ARHGAP6: variants seen among roughly 807,000 people sequenced by gnomAD.
ARHGAP6 encodes the protein Rho GTPase activating protein 6.
In ARHGAP6, 16 loss-of-function variants were observed where a neutral mutation model predicts 55.7. That is an observed-to-expected ratio of 0.29 (90% CI 0.19 to 0.44). The LOEUF is 0.44. ARHGAP6 is among the 20% of genes least tolerant of loss of function. The pLI is 1.00. For synonymous variants in ARHGAP6, 382 were observed against 360.9 expected, an observed-to-expected ratio of 1.06 and a Z score of -0.66; for missense variants, 698 against 808.9, an observed-to-expected ratio of 0.86 and a Z score of 1.66.
intron 2 of ARHGAP6, among the ~76,000 whole-genome samples, chrX:11,211,692 C>T (rs917495770): frequency 1.4e-4 from 15 of 110,333 alleles, no homozygotes; most frequent in South Asian, 3.9e-4. Context: ...TACAGGCACC[C>T]GCCACCACAC....
At chrX:11,186,133 G>C (rs962822642) in intron 5 of ARHGAP6, 103 bp downstream of exon 5, 3 of 803,222 alleles carry the variant, frequency 3.7e-6, no homozygotes, top group Non-Finnish European at 5.4e-6. Flanking sequence ...TTTCAGTTCA[G>C]AGCTTGATCA....
intron 1 of ARHGAP6, among the ~76,000 whole-genome samples, chrX:11,643,694 T>C (rs891396292): frequency 5.4e-5 from 6 of 111,560 alleles, no homozygotes; most frequent in African/African-American, 2.0e-4. Context: ...ATAGAGTCTA[T>C]GGCCCAATCC....
chrX:11,277,699 C>T (rs867210994), intron 1 of ARHGAP6, among the ~76,000 whole-genome samples: 1 of 99,123 alleles, frequency 1.0e-5, no homozygotes, highest in Non-Finnish European at 2.1e-5. Context: ...TTCTAGTATT[C>T]TTTTTTTTTT....
intron 1 of ARHGAP6, among the ~76,000 whole-genome samples, chrX:11,535,779 C>T (rs1481767261): frequency 2.7e-5 from 3 of 111,538 alleles, no homozygotes; most frequent in Non-Finnish European, 5.6e-5. Context: ...TGATTAACAT[C>T]CTAGAGAAGA....
At chrX:11,590,153 C>T (rs1161759400) in intron 1 of ARHGAP6, among the ~76,000 whole-genome samples, 4 of 111,470 alleles carry the variant, frequency 3.6e-5, no homozygotes, top group Non-Finnish European at 1.9e-5. Flanking sequence ...AAATACACAG[C>T]AATGGCGTGT....
chrX:11,242,550 G>A (rs2047297815), intron 2 of ARHGAP6, among the ~76,000 whole-genome samples: 1 of 111,398 alleles, frequency 9.0e-6, no homozygotes, highest in African/African-American at 3.3e-5. Flanking sequence ...TCCTGAATTT[G>A]TATCTTTCAT....
intron 1 of ARHGAP6, among the ~76,000 whole-genome samples, chrX:11,638,967 A>G (rs1255771713): frequency 9.0e-6 from 1 of 111,261 alleles, no homozygotes; most frequent in African/African-American, 3.3e-5. Context: ...TTTATAATTT[A>G]GCTAATCTGA....
intron 1 of ARHGAP6, among the ~76,000 whole-genome samples, chrX:11,473,103 C>T (rs1404584220): frequency 2.7e-5 from 3 of 111,230 alleles, no homozygotes; most frequent in East Asian, 5.7e-4. Context: ...TGAAGTCTCT[C>T]GGGAGCTAAA....
At chrX:11,498,926 T>A (rs1569367762) in intron 1 of ARHGAP6, among the ~76,000 whole-genome samples, 2 of 111,778 alleles carry the variant, frequency 1.8e-5, no homozygotes, top group African/African-American at 6.5e-5. Flanking sequence ...ATTTGACATA[T>A]AATTGTACAT....
intron 1 of ARHGAP6, among the ~76,000 whole-genome samples, chrX:11,328,657 C>T (rs1212088177): frequency 8.9e-6 from 1 of 112,329 alleles, no homozygotes; most frequent in Non-Finnish European, 1.9e-5. Context: ...CAAGTGTCTG[C>T]CCTTGCAGAA....
At chrX:11,341,590 C>T (rs5935013) in intron 1 of ARHGAP6, among the ~76,000 whole-genome samples, 6,537 of 111,623 alleles carry the variant, frequency 0.059, 214 homozygotes, top group African/African-American at 0.12. Context: ...CATGTACGCC[C>T]ACGCCTGACC....
intron 1 of ARHGAP6, among the ~76,000 whole-genome samples, chrX:11,660,554 A>AC (rs2052689297): frequency 1.2e-5 from 1 of 85,079 alleles, no homozygotes; most frequent in Non-Finnish European, 2.3e-5. Flanking sequence ...AAAAAAAAAA[A>AC]AAAAAAAAAA....
chrX:11,375,260 T>C (rs1028525471), intron 1 of ARHGAP6, among the ~76,000 whole-genome samples: 19 of 112,243 alleles, frequency 1.7e-4, no homozygotes, highest in Non-Finnish European at 3.6e-4. Flanking sequence ...CATTTCATTA[T>C]CAGCAACATC....
Position 11,232,466 on chromosome X carries a change from C to T in ARHGAP6, c.748+22082G>A, listed in dbSNP as rs1231483964. On this transcript the variant is annotated intron_variant, in intron 2 of 12. Coordinates refer to ENST00000337414, the MANE Select transcript of ARHGAP6 (RefSeq NM_013427.3). The stretch of plus-strand genomic sequence containing the variant: ...TGAAACCTCATCTCTACTAAAAATA[C>T]ACACAAAAAAAAAAAATTAGCTGGG... Among the ~76,000 whole-genome samples the T allele has an allele frequency of 4.7e-5, 5 of 107,460 alleles. No individual in the cohort carries two copies. The South Asian group carries it at 1.6e-3, about 35-fold the overall frequency. The allele number at this position is 107,460 out of a possible 115,157, so 93.3% of individuals were successfully genotyped here.
At chrX:11,186,666 T>C (rs1253583165) in intron 4 of ARHGAP6, among the ~76,000 whole-genome samples, 9 of 111,920 alleles carry the variant, frequency 8.0e-5, no homozygotes, top group Non-Finnish European at 1.3e-4. Context: ...ATTTCAACAA[T>C]AGACAACATT....
chrX:11,532,716 G>T (rs1407946372), intron 1 of ARHGAP6, among the ~76,000 whole-genome samples: 4 of 112,458 alleles, frequency 3.6e-5, no homozygotes, highest in Non-Finnish European at 7.5e-5. Flanking sequence ...ACTTTTATTG[G>T]AATACAGCCA....
chrX:11,272,127 C>T (rs1450585253), intron 1 of ARHGAP6, among the ~76,000 whole-genome samples: 2 of 111,811 alleles, frequency 1.8e-5, no homozygotes. Context: ...TACTAGCCAC[C>T]CGTGGCTAAT....
chrX:11,351,892 C>A (rs1376969846), intron 1 of ARHGAP6, among the ~76,000 whole-genome samples: 1 of 112,245 alleles, frequency 8.9e-6, no homozygotes, highest in African/African-American at 3.2e-5. Flanking sequence ...GTTGTGAGAG[C>A]CTTAGGCATT....
chrX:11,405,386 T>A (rs2049598644), intron 1 of ARHGAP6, among the ~76,000 whole-genome samples: 1 of 112,314 alleles, frequency 8.9e-6, no homozygotes, highest in African/African-American at 3.2e-5. Flanking sequence ...ATAAGACAAA[T>A]CCATGACGGA....
Sources: gnomAD v4.1 joint callset for allele counts (sites outside exome capture counted in the v4.1 genomes callset) on GRCh38, gnomAD v4.1.1 for gene constraint, MANE v1.5 for transcripts, NCBI Gene and HGNC (gene_info 2026-07-23, HGNC 2026-07-21) for gene names.